METTL25: variants seen among roughly 807,000 people sequenced by gnomAD.
METTL25 encodes the protein probable methyltransferase-like protein 25.
A neutral mutation model predicts 71.6 loss-of-function variants in METTL25; 64 were observed. The ratio of observed to expected loss-of-function variants is 0.89; its 90% CI spans 0.73 to 1.10. METTL25 has a LOEUF of 1.10. METTL25 is among the 50% of genes least tolerant of loss of function. METTL25 has a pLI of 0.00. For synonymous variants in METTL25, 287 were observed against 250.3 expected, an observed-to-expected ratio of 1.15 and a Z score of -1.38; for missense variants, 807 against 707.0, an observed-to-expected ratio of 1.14 and a Z score of -1.60.
intron 9 of METTL25, among the ~76,000 whole-genome samples, chr12:82,472,380 C>T (rs1409450562): frequency 2.0e-5 from 3 of 152,138 alleles, no homozygotes; most frequent in East Asian, 1.9e-4. Flanking sequence ...AGGCAGATCA[C>T]GAGGTCAGGA....
rs545550624 is a variant in METTL25, at chr12:82,378,290, GCA to G, written c.260-8512_260-8511del. On this transcript the variant is annotated intron_variant, in intron 1 of 11. Coordinates refer to ENST00000248306, the MANE Select transcript of METTL25 (RefSeq NM_032230.3). The stretch of plus-strand genomic sequence containing the variant: ...ATTTTACTTGTTTATTTTCTATACA[GCA>G]ATTACCTTGAATAATGGCCTGTAAA... 5.1e-4 allele frequency among the ~76,000 whole-genome samples: 77 copies of G among 152,184 alleles called. 1 individual carries two copies. Among genetic ancestry groups the G allele is most frequent in the African/African-American group, 1.7e-3 (70 of 41,510 alleles).
chr12:82,448,250 T>C (rs1461948396), intron 8 of METTL25, among the ~76,000 whole-genome samples: 8 of 152,092 alleles, frequency 5.3e-5, no homozygotes. Context: ...AATTGAAACA[T>C]TATCCTGAAA....
At chr12:82,426,800 T>C (rs371022743) in intron 5 of METTL25, among the ~76,000 whole-genome samples, 4 of 152,074 alleles carry the variant, frequency 2.6e-5, no homozygotes, top group East Asian at 1.9e-4. Context: ...TGTGTTTCTC[T>C]GCCCATATCT....
At chr12:82,379,681 ACT>A (rs1200609942) in intron 1 of METTL25, among the ~76,000 whole-genome samples, 2 of 152,092 alleles carry the variant, frequency 1.3e-5, no homozygotes, top group Non-Finnish European at 1.5e-5. Context: ...TAATACTAAA[ACT>A]CTCTCCTGCA....
chr12:82,368,223 C>T (rs73151403), intron 1 of METTL25, among the ~76,000 whole-genome samples: 9,107 of 152,168 alleles, frequency 0.06, 339 homozygotes, highest in Middle Eastern at 0.12. Flanking sequence ...GAAGTAACTG[C>T]GTAAGTTGTT....
chr12:82,415,284 T>C (rs568739477), intron 5 of METTL25, among the ~76,000 whole-genome samples: 48 of 152,172 alleles, frequency 3.2e-4, no homozygotes, highest in Non-Finnish European at 4.7e-4. Flanking sequence ...CATCACACTT[T>C]ATATACATAT....
chr12:82,420,715 G>T (rs1002969325), intron 5 of METTL25, among the ~76,000 whole-genome samples: 4 of 152,068 alleles, frequency 2.6e-5, no homozygotes, highest in Admixed American at 6.6e-5. Context: ...AAATGAAGCT[G>T]GCAAACCAGG....
chr12:82,424,884 A>G lies in METTL25; in HGVS notation c.1280-6009A>G, dbSNP rs371544934. 7.9e-5 allele frequency among the ~76,000 whole-genome samples: 12 copies of G among 152,158 alleles called. No individual in the cohort carries two copies. The South Asian group carries it at 2.3e-3, about 29-fold the overall frequency. The stretch of plus-strand genomic sequence containing the variant: ...GTAATCACCAGAAACTGGTAATGGA[A>G]GAAACAATGAAGTATTCTTCCCTAG... On this transcript the variant is annotated intron_variant, in intron 5 of 11. Transcript: ENST00000248306.
intron 3 of METTL25, among the ~76,000 whole-genome samples, chr12:82,397,782 C>T (rs1886212275): frequency 1.3e-5 from 2 of 151,394 alleles, no homozygotes; most frequent in Admixed American, 6.6e-5. Context: ...TGTTTTTTCC[C>T]ATTGATTTAT....
intron 5 of METTL25, among the ~76,000 whole-genome samples, chr12:82,428,921 T>C (rs906364994): frequency 6.6e-6 from 1 of 151,868 alleles, no homozygotes; most frequent in East Asian, 1.9e-4. Context: ...TATTGATACA[T>C]AATATTTGTA....
intron 8 of METTL25, chr12:82,451,317 A>T: frequency 1.1e-6 from 1 of 946,350 alleles, no homozygotes; most frequent in Non-Finnish European, 1.3e-6. Context: ...TGTCACCATT[A>T]AGAACATAAG....
intron 6 of METTL25, among the ~76,000 whole-genome samples, chr12:82,433,677 G>A (rs979867166): frequency 2.0e-5 from 3 of 151,476 alleles, no homozygotes; most frequent in Non-Finnish European, 3.0e-5. Context: ...TAGTGATCTT[G>A]TGTATCTACA....
At chr12:82,366,463 G>A (rs1214240768) in intron 1 of METTL25, among the ~76,000 whole-genome samples, 7 of 152,126 alleles carry the variant, frequency 4.6e-5, no homozygotes, top group Non-Finnish European at 7.4e-5. Context: ...AATGTTTATA[G>A]AATCAGTTCC....
At position 82,476,715 on chromosome 12, in the gene METTL25, T is replaced by C; in HGVS notation, c.1644T>C (p.Asn548=). ...GAATGAATGAGCTGGAAGCTTTTAA[T>C]ATGGTAAATCTCAGAGTTAAGCATA... The part of the protein sequence containing the change: ...KPRMNELEAF[N]MLKVVLAPCI... Residue 548 remains asparagine, a synonymous_variant, in exon 10 of 12, where the codon AAT becomes AAC. Coordinates refer to ENST00000248306, the MANE Select transcript of METTL25 (RefSeq NM_032230.3). 1 of 1,583,486 alleles carries C rather than the reference T, an allele frequency of 6.3e-7. No individual in the cohort carries two copies. Among genetic ancestry groups the C allele is most frequent in the South Asian group, 1.2e-5 (1 of 85,658 alleles).
In METTL25 at chr12:82,420,717, C is replaced by T. The variant is rs1463335277; in HGVS notation, c.1280-10176C>T. On this transcript the variant is annotated intron_variant, in intron 5 of 11. Coordinates refer to ENST00000248306, the MANE Select transcript of METTL25 (RefSeq NM_032230.3). Reference sequence around the variant, plus strand: ...CAAATGAAGTGTGAAATGAAGCTGGCAAACCAGGCACAAGCAGATCATGTA... The same window carrying T: ...CAAATGAAGTGTGAAATGAAGCTGGTAAACCAGGCACAAGCAGATCATGTA... Among the ~76,000 whole-genome samples the T allele has an allele frequency of 2.0e-5, 3 of 152,016 alleles. No homozygotes were observed. In the East Asian group the frequency reaches 5.8e-4, roughly 29 times the overall value.
chr12:82,412,929 A>AT (rs920716055), intron 5 of METTL25, among the ~76,000 whole-genome samples: 52 of 151,992 alleles, frequency 3.4e-4, no homozygotes, highest in Admixed American at 1.8e-3. Flanking sequence ...TATTACTATA[A>AT]TTTTTTTCTA....
chr12:82,372,827 A>G (rs1349539223), intron 1 of METTL25, among the ~76,000 whole-genome samples: 1 of 152,098 alleles, frequency 6.6e-6, no homozygotes, highest in Admixed American at 6.5e-5. Context: ...GGGTCCCTGG[A>G]CCTTGCTGAT....
chr12:82,359,227 AAAC>A (rs1881443056), intron 1 of METTL25, among the ~76,000 whole-genome samples: 1 of 152,232 alleles, frequency 6.6e-6, no homozygotes. Flanking sequence ...TAGAAAATAA[AAAC>A]AGTGTAATGT....
chr12:82,359,221 A>G (rs770346342), intron 1 of METTL25, among the ~76,000 whole-genome samples: 6 of 152,206 alleles, frequency 3.9e-5, no homozygotes, highest in Non-Finnish European at 8.8e-5. Flanking sequence ...ATGAAGTAGA[A>G]AATAAAAACA....
Sources: gnomAD v4.1 joint callset for allele counts (sites outside exome capture counted in the v4.1 genomes callset) on GRCh38, gnomAD v4.1.1 for gene constraint, MANE v1.5 for transcripts, NCBI Gene and HGNC (gene_info 2026-07-23, HGNC 2026-07-21) for gene names.